The following KCNMB2 variants were observed in gnomAD, a reference collection of about 807,000 sequenced individuals.
KCNMB2 encodes calcium-activated potassium channel subunit beta-2.
In KCNMB2, 9 loss-of-function variants were observed where a neutral mutation model predicts 24.5. The observed-to-expected ratio is 0.37, with a 90% CI of 0.22 to 0.64. KCNMB2 has a LOEUF of 0.64. KCNMB2 is among the 30% of genes least tolerant of loss of function. The pLI is 0.63. For missense variants in KCNMB2, 226 were observed against 284.3 expected (o/e 0.79, Z 1.47); for synonymous variants, 109 against 104.4 (o/e 1.04, Z -0.27).
chr3:178,588,919 C>A (rs954220340), intron 1 of KCNMB2, among the ~76,000 whole-genome samples: 3 of 152,172 alleles, frequency 2.0e-5, no homozygotes, highest in African/African-American at 7.2e-5. Flanking sequence ...GGACCTGTCG[C>A]AGAGAAAGTG....
At chr3:178,712,486 C>G (rs1305229032) in intron 1 of KCNMB2, among the ~76,000 whole-genome samples, 1 of 152,160 alleles carries the variant, frequency 6.6e-6, no homozygotes, top group East Asian at 1.9e-4. Context: ...ATGAGACAAA[C>G]AGAGTTCTGG....
chr3:178,689,336 A>T (rs1404857508), intron 1 of KCNMB2, among the ~76,000 whole-genome samples: 4 of 152,114 alleles, frequency 2.6e-5, no homozygotes, highest in Non-Finnish European at 2.9e-5. Flanking sequence ...GCATTTGTAT[A>T]GCATCTTAGA....
At chr3:178,765,848 C>A (rs1193077499) in intron 1 of KCNMB2, among the ~76,000 whole-genome samples, 1 of 152,196 alleles carries the variant, frequency 6.6e-6, no homozygotes, top group Admixed American at 6.5e-5. Context: ...TCTCTATTAT[C>A]ATCACATTTA....
At chr3:178,737,396 T>A (rs1723354003) in intron 1 of KCNMB2, among the ~76,000 whole-genome samples, 1 of 152,260 alleles carries the variant, frequency 6.6e-6, no homozygotes, top group Admixed American at 6.5e-5. Context: ...GTTTGTTTTT[T>A]ACTTTTTAAC....
At chr3:178,729,128 A>G (rs771679254) in intron 1 of KCNMB2, among the ~76,000 whole-genome samples, 1 of 152,194 alleles carries the variant, frequency 6.6e-6, no homozygotes, top group Non-Finnish European at 1.5e-5. Flanking sequence ...AACAATTGCT[A>G]GTCAGGTTTG....
chr3:178,679,892 G>T (rs1309946551), intron 1 of KCNMB2, among the ~76,000 whole-genome samples: 1 of 152,010 alleles, frequency 6.6e-6, no homozygotes, highest in African/African-American at 2.4e-5. Flanking sequence ...GGATTTGAAA[G>T]AGGGTGAGTG....
chr3:178,595,018 C>T (rs978683933), intron 1 of KCNMB2, among the ~76,000 whole-genome samples: 2 of 133,916 alleles, frequency 1.5e-5, no homozygotes, highest in Non-Finnish European at 3.1e-5. Flanking sequence ...GAATTACTAA[C>T]GTCTTATTAT....
intron 1 of KCNMB2, among the ~76,000 whole-genome samples, chr3:178,574,189 C>G (rs946895531): frequency 2.0e-5 from 3 of 152,248 alleles, no homozygotes; most frequent in Middle Eastern, 3.4e-3. Flanking sequence ...AAACACACCT[C>G]TTGCCCCAAA....
intron 3 of KCNMB2, among the ~76,000 whole-genome samples, chr3:178,826,944 G>T (rs1322767124): frequency 6.6e-6 from 1 of 152,084 alleles, no homozygotes; most frequent in African/African-American, 2.4e-5. Context: ...AACCATCAGA[G>T]ACTTTTTCCT....
chr3:178,691,813 T>G (rs1269055859), intron 1 of KCNMB2, among the ~76,000 whole-genome samples: 1 of 152,172 alleles, frequency 6.6e-6, no homozygotes, highest in Non-Finnish European at 1.5e-5. Flanking sequence ...CTTTAGGTAT[T>G]TGAGGAATTG....
intron 1 of KCNMB2, among the ~76,000 whole-genome samples, chr3:178,694,053 T>A (rs1350905050): frequency 6.6e-6 from 1 of 152,148 alleles, no homozygotes; most frequent in Non-Finnish European, 1.5e-5. Context: ...CTGGGTAATT[T>A]ATAAAGGAAA....
In KCNMB2 at chr3:178,740,593, A is replaced by T. The variant is rs1408621530; in HGVS notation, c.-67-66750A>T. On this transcript the variant is annotated intron_variant, in intron 1 of 4. Coordinates refer to ENST00000452583, the MANE Select transcript of KCNMB2 (RefSeq NM_181361.3). ...GCTACTGTTAAGCTTAGTATGCCAT[A>T]CAAAATATATATTTAGGAAGCCTAC... 2.6e-5 allele frequency among the ~76,000 whole-genome samples: 4 copies of T among 152,324 alleles called. No homozygotes were observed. The East Asian group carries it at 5.8e-4, about 22-fold the overall frequency.
chr3:178,579,611 G>A (rs112900866), intron 1 of KCNMB2, among the ~76,000 whole-genome samples: 2,961 of 152,174 alleles, frequency 0.019, 48 homozygotes, highest in Middle Eastern at 0.044. Flanking sequence ...TAACAAAATA[G>A]ATAGACCACT....
At chr3:178,607,628 C>CGTGTGTGT (rs143508589) in intron 1 of KCNMB2, among the ~76,000 whole-genome samples, 1 of 147,272 alleles carries the variant, frequency 6.8e-6, no homozygotes, top group East Asian at 2.0e-4. Flanking sequence ...ATTGTGCATG[C>CGTGTGTGT]GTGTGTGTGT....
chr3:178,825,824 GCAAC>G, intron 3 of KCNMB2, 66 bp downstream of exon 3: 4 of 1,321,336 alleles, frequency 3.0e-6, no homozygotes, highest in Non-Finnish European at 4.3e-6. Context: ...CATCACTTAG[GCAAC>G]CCTAAGGTCA....
chr3:178,729,273 G>T (rs965548608), intron 1 of KCNMB2: 9 of 152,092 alleles, frequency 5.9e-5, no homozygotes, highest in Admixed American at 3.3e-4. Context: ...TGGTGTCTAG[G>T]TCTCATCAGC....
At chr3:178,714,857 G>A (rs1217910903) in intron 1 of KCNMB2, among the ~76,000 whole-genome samples, 3 of 152,172 alleles carry the variant, frequency 2.0e-5, no homozygotes, top group African/African-American at 7.2e-5. Context: ...GGAAATCACG[G>A]CTGCACCAGT....
At chr3:178,794,106 G>A (rs1046350370) in intron 1 of KCNMB2, among the ~76,000 whole-genome samples, 1 of 152,118 alleles carries the variant, frequency 6.6e-6, no homozygotes, top group Non-Finnish European at 1.5e-5. Context: ...CAGGTACAGA[G>A]GTGAACACTA....
chr3:178,556,426 T>C (rs1217158181), intron 1 of KCNMB2, among the ~76,000 whole-genome samples: 3 of 152,210 alleles, frequency 2.0e-5, no homozygotes, highest in Non-Finnish European at 4.4e-5. Flanking sequence ...TTTTCTGAGA[T>C]GGAGTTTTGC....
Sources: gnomAD v4.1 joint callset for allele counts (sites outside exome capture counted in the v4.1 genomes callset) on GRCh38, gnomAD v4.1.1 for gene constraint, MANE v1.5 for transcripts, NCBI Gene and HGNC (gene_info 2026-07-23, HGNC 2026-07-21) for gene names.